The following ITSN1 variants were observed in gnomAD, a reference collection of about 807,000 sequenced individuals.
ITSN1 encodes intersectin 1.
ITSN1 carries 58 observed loss-of-function variants against 239.8 expected under a neutral mutation model. The ratio of observed to expected loss-of-function variants is 0.24; its 90% confidence interval spans 0.20 to 0.30. The LOEUF (loss-of-function observed/expected upper bound fraction) is 0.30. Ranked by LOEUF, ITSN1 falls within the 10% of genes least tolerant of loss-of-function variation. The probability of loss-of-function intolerance (pLI) is 1.00; values close to 1 mark genes in which losing one functional copy is unlikely to be tolerated. For synonymous variants in ITSN1, 780 were observed against 770.8 expected (o/e 1.01, Z -0.20); for missense variants, 1,558 against 2,103.3 (o/e 0.74, Z 5.07).
chr21:33,878,068 C>T (rs1984298031), intron 34 of ITSN1, among the ~76,000 whole-genome samples: 1 of 150,864 alleles, frequency 6.6e-6, no homozygotes, highest in East Asian at 2.0e-4. Context: ...CAGGGTCTCA[C>T]TCTGTTGCCC....
intron 14 of ITSN1, among the ~76,000 whole-genome samples, chr21:33,778,485 G>A (rs888870501): frequency 6.7e-6 from 1 of 148,248 alleles, no homozygotes; most frequent in Admixed American, 6.7e-5. Context: ...TCTTCTCCTT[G>A]AATCTGTTTT....
intron 30 of ITSN1, among the ~76,000 whole-genome samples, chr21:33,857,478 G>A (rs538029298): frequency 5.9e-5 from 9 of 152,308 alleles, no homozygotes; most frequent in South Asian, 2.1e-4. Context: ...TTTTGTCCAC[G>A]TCCATGGGAA....
rs770895590 is a variant in ITSN1 at position 33,882,654 on chromosome 21, C to T, written c.4554+199C>T. Among the ~76,000 whole-genome samples, 30 of 152,062 alleles carry T rather than the reference C, an allele frequency of 2.0e-4. No homozygotes were observed. The highest frequency in any genetic ancestry group is 2.8e-4 in the Non-Finnish European group (19 of 68,026). ...CAGTGTCAGTGACACTCAGTGCTATCGGTGGAACATATTGGCTGCCAAATG... is the reference window on the plus strand; with the variant it reads ...CAGTGTCAGTGACACTCAGTGCTATTGGTGGAACATATTGGCTGCCAAATG... On this transcript the variant is annotated intron_variant, in intron 35 of 39. Transcript: ENST00000381318. This position sits in a 1 kb window ranked among gnomAD's most constrained non-coding sequence, Gnocchi z 4.5.
chr21:33,887,836 G>T lies in ITSN1; in HGVS notation c.5018-316G>T, dbSNP rs148451280. ...TTGCCCAGGCTGGTGTCAAACTCCT[G>T]GACTCAAGTGATCCTCCTGCCTCGG... On this transcript the variant is annotated intron_variant, in intron 39 of 39. Transcript: ENST00000381318. Among the ~76,000 whole-genome samples, 11 of 152,098 alleles carry T rather than the reference G, an allele frequency of 7.2e-5. No homozygotes were observed. The East Asian group carries it at 2.1e-3, about 29-fold the overall frequency.
chr21:33,851,413 T>C (rs1978310667), intron 29 of ITSN1, among the ~76,000 whole-genome samples: 1 of 152,050 alleles, frequency 6.6e-6, no homozygotes, highest in Non-Finnish European at 1.5e-5. Flanking sequence ...TTTCTTTTTT[T>C]TTTGAGACAG....
At position 33,829,664 on chromosome 21, in the gene ITSN1, C is replaced by G; in HGVS notation, c.3270C>G (p.Pro1090=). 2 of 1,612,474 alleles carry G rather than the reference C, an allele frequency of 1.2e-6. No homozygotes were observed. Among genetic ancestry groups the G allele is most frequent in the Non-Finnish European group, 1.7e-6 (2 of 1,179,912 alleles). ...QVIASYTATG[P]EQLTLAPGQL... ...TTGCCTCATACACCGCCACCGGCCCCGAGCAGCTCACTCTCGCCCCTGGTC... is the reference window on the plus strand; with the variant it reads ...TTGCCTCATACACCGCCACCGGCCCGGAGCAGCTCACTCTCGCCCCTGGTC... Residue 1090 remains proline, a synonymous_variant, in exon 27 of 40, where the codon CCC becomes CCG. Transcript: ENST00000381318.
chr21:33,884,661 G>T (rs1463547376), intron 36 of ITSN1, among the ~76,000 whole-genome samples: 2 of 152,186 alleles, frequency 1.3e-5, no homozygotes, highest in Admixed American at 1.3e-4. Flanking sequence ...AGTGGTTTTT[G>T]TTCTTTCTTT....
At chr21:33,867,640 A>T (rs1354438320) in intron 33 of ITSN1, among the ~76,000 whole-genome samples, 34 of 5,764 alleles carry the variant, frequency 5.9e-3, no homozygotes, top group African/African-American at 0.018. Flanking sequence ...ATCTCTATTA[A>T]AAAAAAAAAA....
chr21:33,766,293 T>C (rs1442363848), intron 10 of ITSN1, among the ~76,000 whole-genome samples: 2 of 152,204 alleles, frequency 1.3e-5, no homozygotes, highest in African/African-American at 4.8e-5. Context: ...TCACAACAGA[T>C]GCCAGCAGCA....
rs527473066 is a variant in ITSN1 at position 33,730,300 on chromosome 21, C to G, written c.186-4744C>G. On this transcript the variant is annotated intron_variant, in intron 4 of 39. Coordinates refer to ENST00000381318, the MANE Select transcript of ITSN1 (RefSeq NM_003024.3). ...TATTTTTGTTGGAAAAAAGCAGGTACATAATGTATATAACGTGTATGTATT... is the reference window on the plus strand; with the variant it reads ...TATTTTTGTTGGAAAAAAGCAGGTAGATAATGTATATAACGTGTATGTATT... Among the ~76,000 whole-genome samples, 83 of 148,406 alleles carry G rather than the reference C, an allele frequency of 5.6e-4. 1 individual carries two copies. The highest frequency in any genetic ancestry group is 1.8e-3 in the African/African-American group (72 of 40,660).
chr21:33,674,079 G>A (rs1224929119), intron 1 of ITSN1, among the ~76,000 whole-genome samples: 2 of 152,194 alleles, frequency 1.3e-5, no homozygotes, highest in Admixed American at 6.5e-5. Flanking sequence ...GTAATTAAAT[G>A]AGTTTGTATT....
chr21:33,777,331 C>A (rs113766960), intron 14 of ITSN1, among the ~76,000 whole-genome samples: 2 of 96,142 alleles, frequency 2.1e-5, no homozygotes, highest in African/African-American at 5.6e-5. Flanking sequence ...ATCTGTCTGT[C>A]CTTTACCAGT....
intron 27 of ITSN1, among the ~76,000 whole-genome samples, chr21:33,830,654 G>A (rs1444368672): frequency 6.6e-6 from 1 of 152,142 alleles, no homozygotes; most frequent in East Asian, 1.9e-4. Flanking sequence ...TCTAGACCCT[G>A]TGTGAAAGAA....
intron 1 of ITSN1, among the ~76,000 whole-genome samples, chr21:33,688,836 C>T (rs1242382411): frequency 6.7e-5 from 10 of 148,726 alleles, no homozygotes; most frequent in East Asian, 2.0e-4. Context: ...GATGGAGTTT[C>T]GCTCCTGTCA....
At chr21:33,826,556 C>T (rs913344950) in intron 25 of ITSN1, among the ~76,000 whole-genome samples, 3 of 152,216 alleles carry the variant, frequency 2.0e-5, no homozygotes, top group South Asian at 2.1e-4. Flanking sequence ...AGTGCCTGTG[C>T]TTGGAGCCCT....
At chr21:33,851,242 A>G (rs1248423030) in intron 29 of ITSN1, among the ~76,000 whole-genome samples, 1 of 151,986 alleles carries the variant, frequency 6.6e-6, no homozygotes, top group Non-Finnish European at 1.5e-5. Context: ...TGGTGCCCAT[A>G]GCCCCCAGTG....
chr21:33,712,099 A>G (rs1008145142), intron 1 of ITSN1, among the ~76,000 whole-genome samples: 5 of 152,054 alleles, frequency 3.3e-5, no homozygotes, highest in African/African-American at 1.2e-4. Context: ...TGTTTGCCTC[A>G]TGGAAAGTAG....
intron 16 of ITSN1, among the ~76,000 whole-genome samples, chr21:33,782,396 A>G (rs1022228626): frequency 3.3e-5 from 5 of 152,252 alleles, no homozygotes; most frequent in African/African-American, 1.2e-4. Context: ...TTATAGTCAC[A>G]TCAAGTTGAT....
chr21:33,760,515 G>A (rs931238604), intron 8 of ITSN1, among the ~76,000 whole-genome samples: 1 of 152,172 alleles, frequency 6.6e-6, no homozygotes, highest in East Asian at 1.9e-4. Flanking sequence ...CCTGCCATTA[G>A]AGCACCTCTC....
Sources: gnomAD v4.1 joint callset for allele counts (sites outside exome capture counted in the v4.1 genomes callset) on GRCh38, gnomAD v4.1.1 for gene constraint, Gnocchi (gnomAD v3.1) non-coding constraint, MANE v1.5 for transcripts, NCBI Gene and HGNC (gene_info 2026-07-23, HGNC 2026-07-21) for gene names.